CRAMP1: variants seen among roughly 807,000 people sequenced by gnomAD.
The protein encoded by CRAMP1 is cramped chromatin regulator 1.
In CRAMP1, 50 loss-of-function variants were observed where a neutral mutation model predicts 115.4. The observed-to-expected ratio is 0.43, with a 90% CI of 0.35 to 0.55. The LOEUF is 0.55. Among genes scored for constraint, CRAMP1 ranks in the 20% least tolerant of loss-of-function variants. The pLI, the probability that CRAMP1 is intolerant of heterozygous loss-of-function variation, is 0.01. For missense variants in CRAMP1, 1,679 were observed against 1,721.7 expected, an observed-to-expected ratio of 0.98 and a Z score of 0.44; for synonymous variants, 866 against 745.4, an observed-to-expected ratio of 1.16 and a Z score of -2.64.
chr16:1,624,417 CT>C (rs35272341), intron 2 of CRAMP1, among the ~76,000 whole-genome samples: 3,610 of 142,740 alleles, frequency 0.025, 129 homozygotes, highest in African/African-American at 0.079. Flanking sequence ...TTGGCTTTTG[CT>C]TTTTTTTTTT....
chr16:1,634,312 C>G (rs2036569642), intron 4 of CRAMP1, among the ~76,000 whole-genome samples: 1 of 152,236 alleles, frequency 6.6e-6, no homozygotes, highest in Non-Finnish European at 1.5e-5. Flanking sequence ...ACTTGCCAAC[C>G]CAGGCTCTCT....
In CRAMP1 at chr16:1,666,629, A is replaced by T. The variant is rs1290761660; in HGVS notation, c.3036+29A>T. The T allele has an allele frequency of 6.3e-7, 1 of 1,598,644 alleles. No homozygotes were observed. Among genetic ancestry groups the T allele is most frequent in the Non-Finnish European group, 8.6e-7 (1 of 1,167,014 alleles). ...AGTATGTTTAGAAGGGCTTTTCAGCATTACCACCAACTTCTGGTGTGGACG... is the reference window on the plus strand; with the variant it reads ...AGTATGTTTAGAAGGGCTTTTCAGCTTTACCACCAACTTCTGGTGTGGACG... On this transcript the variant is annotated intron_variant, in intron 16 of 20. Transcript: ENST00000397412. The surrounding 1 kb of genome is among the most constrained non-coding windows in gnomAD (Gnocchi z 5.0).
chr16:1,666,856 C>T lies in CRAMP1; in HGVS notation c.3036+256C>T, dbSNP rs2036880847. Among the ~76,000 whole-genome samples the T allele has an allele frequency of 6.6e-6, 1 of 152,232 alleles. No individual in the cohort carries two copies. Among genetic ancestry groups the T allele is most frequent in the African/African-American group, 2.4e-5 (1 of 41,472 alleles). ...CTAAGACGGTGTGGAAACATAGCTC[C>T]ATCTGAGAGTGACCATAACCAAGGT... On this transcript the variant is annotated intron_variant, in intron 16 of 20. Transcript: ENST00000397412. The surrounding 1 kb of genome is among the most constrained non-coding windows in gnomAD (Gnocchi z 5.0).
chr16:1,670,871 A>G, intron 20 of CRAMP1, 62 bp downstream of exon 20: 2 of 1,516,134 alleles, frequency 1.3e-6, no homozygotes, highest in South Asian at 2.3e-5. Flanking sequence ...GGTTGCCAGC[A>G]CTCTCCTGCA....
At chr16:1,653,550 C>G (rs2036742135) in intron 8 of CRAMP1, among the ~76,000 whole-genome samples, 1 of 152,194 alleles carries the variant, frequency 6.6e-6, no homozygotes, top group Non-Finnish European at 1.5e-5. Flanking sequence ...AATGAGGTGA[C>G]CGGGTGCAGA....
Position 1,670,362 on chromosome 16 carries a change from TG to T in CRAMP1, c.3500-297del, listed in dbSNP as rs1205318268. The T allele has an allele frequency of 1.2e-4, 19 of 164,938 alleles. 1 individual carries two copies. The highest frequency in any genetic ancestry group is 1.1e-3 in the South Asian group (18 of 16,560). 10.2% of individuals were successfully genotyped at this position (164,938 alleles called of 1,614,324 possible). A position where few individuals can be genotyped will look rare whatever the true frequency, so the allele number is the denominator to read the frequency against. On this transcript the variant is annotated intron_variant, in intron 19 of 20. Transcript: ENST00000397412. ...TGGCAGTGAGGGTGGGAGAGCATGA[TG>T]GGGGTGGGGGATGGCAGCGAGGGTG... is the stretch of plus-strand genomic sequence containing the variant.
rs1441332624 is a variant in CRAMP1 at position 1,614,935 on chromosome 16, C to T, written c.296C>T (p.Pro99Leu). The T allele has an allele frequency of 3.1e-6, 4 of 1,277,468 alleles. No individual in the cohort carries two copies. The highest frequency in any genetic ancestry group is 4.1e-5 in the Admixed American group (1 of 24,594). 79.1% of individuals were successfully genotyped at this position (1,277,468 alleles called of 1,614,324 possible). Reference sequence around the variant, plus strand: ...AGCAAGAGGCCCAGGAAGGATCCTCCGAGCGCTGTGGGGAGCGGCAACGCC... The same window carrying T: ...AGCAAGAGGCCCAGGAAGGATCCTCTGAGCGCTGTGGGGAGCGGCAACGCC... ...PQSKRPRKDP[P>L]SAVGSGNAGG... The change falls in exon 2 of 21, where the codon CCG (proline) becomes CTG (leucine). Residue 99 changes from proline to leucine, a missense_variant. Pro to Leu is a moderately conservative substitution (Grantham distance 98, BLOSUM62 -3). Transcript: ENST00000397412. This position sits in a 1 kb window ranked among gnomAD's most constrained non-coding sequence, Gnocchi z 4.4.
intron 6 of CRAMP1, among the ~76,000 whole-genome samples, chr16:1,647,372 T>G (rs1366699717): frequency 6.6e-6 from 1 of 152,192 alleles, no homozygotes; most frequent in Non-Finnish European, 1.5e-5. Context: ...AAAGCCAGGC[T>G]CCCATGTACA....
At chr16:1,616,548 T>C (rs1358528229) in intron 2 of CRAMP1, among the ~76,000 whole-genome samples, 1 of 152,120 alleles carries the variant, frequency 6.6e-6, no homozygotes, top group Non-Finnish European at 1.5e-5. Context: ...TGCTGAGACG[T>C]TAGTGATCAG....
rs2036972641 is a variant in CRAMP1 at position 1,676,837 on chromosome 16, G to A, written c.*2792G>A. The A allele has an allele frequency of 6.6e-6, 1 of 152,304 alleles. No individual in the cohort carries two copies. Among genetic ancestry groups the A allele is most frequent in the African/African-American group, 2.4e-5 (1 of 41,462 alleles). 9.4% of individuals were successfully genotyped at this position (152,304 alleles called of 1,614,324 possible). The stretch of plus-strand genomic sequence containing the variant: ...CTTCCTGGCTGTTTTGTCCTTCTGT[G>A]TCTTGTAGCTGTAGGGTGCCAGCTC... On this transcript the variant is annotated 3_prime_UTR_variant, in exon 21 of 21. Coordinates refer to ENST00000397412, the MANE Select transcript of CRAMP1 (RefSeq NM_020825.4).
intron 6 of CRAMP1, among the ~76,000 whole-genome samples, chr16:1,651,117 A>G (rs1448254341): frequency 6.6e-6 from 1 of 151,818 alleles, no homozygotes; most frequent in Non-Finnish European, 1.5e-5. Context: ...CAGAGGCCAC[A>G]GGTCATGGAA....
chr16:1,613,132 T>C (rs2036375317), intron 1 of CRAMP1, among the ~76,000 whole-genome samples: 2 of 151,994 alleles, frequency 1.3e-5, no homozygotes, highest in Non-Finnish European at 2.9e-5. Context: ...TTTGGGGGTT[T>C]AGGTTTCTTG....
intron 6 of CRAMP1, among the ~76,000 whole-genome samples, chr16:1,648,449 C>T (rs748414594): frequency 2.0e-5 from 3 of 151,704 alleles, no homozygotes; most frequent in Non-Finnish European, 4.4e-5. Flanking sequence ...ACTAAAAATA[C>T]AAAAAATTAG....
chr16:1,618,961 G>C (rs1406696464), intron 2 of CRAMP1, among the ~76,000 whole-genome samples: 1 of 152,160 alleles, frequency 6.6e-6, no homozygotes, highest in Non-Finnish European at 1.5e-5. Flanking sequence ...GTATACTTTT[G>C]GTATTAAAAC....
Position 1,669,249 on chromosome 16 carries a change from C to A in CRAMP1, c.3499+84C>A. The A allele has an allele frequency of 9.4e-7, 1 of 1,063,848 alleles. No homozygotes were observed. Among genetic ancestry groups the A allele is most frequent in the Non-Finnish European group, 1.3e-6 (1 of 754,098 alleles). 65.9% of individuals were successfully genotyped at this position (1,063,848 alleles called of 1,614,324 possible). On this transcript the variant is annotated intron_variant, in intron 19 of 20. Transcript: ENST00000397412. The surrounding 1 kb of genome is among the most constrained non-coding windows in gnomAD (Gnocchi z 4.6). The stretch of plus-strand genomic sequence containing the variant: ...CGGGACACTGGATTCTCATTCTACT[C>A]AAACTCCCACTAGGACTGTTGGCTT...
chr16:1,643,339 G>C (rs2036648078), intron 6 of CRAMP1, among the ~76,000 whole-genome samples: 1 of 152,098 alleles, frequency 6.6e-6, no homozygotes, highest in Non-Finnish European at 1.5e-5. Context: ...TCAAGAGTTC[G>C]AAACCAGCAT....
intron 2 of CRAMP1, chr16:1,625,641 T>G (rs1596483205): frequency 9.9e-6 from 2 of 202,476 alleles, no homozygotes; most frequent in East Asian, 2.4e-4. Flanking sequence ...GATGTGAGGC[T>G]TCATTTTGCA....
At chr16:1,667,530 TC>T (rs908984021) in intron 17 of CRAMP1, 130 bp downstream of exon 17, 5 of 735,766 alleles carry the variant, frequency 6.8e-6, no homozygotes, top group African/African-American at 5.2e-5. Flanking sequence ...TTGCTGTTCT[TC>T]CACCTGCTGT....
In CRAMP1 at chr16:1,659,927, C is replaced by T. The variant is rs373569007; in HGVS notation, c.2277C>T (p.Pro759=). ...CCATCTCTACAGCCTCAGTAAGGCC[C>T]GCCCAGGAGGAGCAGTCGATGACGC... is the stretch of plus-strand genomic sequence containing the variant. ...ANTISTASVR[P]AQEEQSMTPP... Residue 759 remains proline (P), a synonymous_variant, in exon 11 of 21, where the codon CCC becomes CCT. Coordinates refer to ENST00000397412, the MANE Select transcript of CRAMP1 (RefSeq NM_020825.4). The T allele has an allele frequency of 2.9e-4, 464 of 1,612,756 alleles. No individual in the cohort carries two copies. Among genetic ancestry groups the T allele is most frequent in the Non-Finnish European group, 3.5e-4 (412 of 1,179,824 alleles).
Sources: allele counts gnomAD v4.1 joint callset (sites outside exome capture counted in the v4.1 genomes callset), GRCh38; gene constraint gnomAD v4.1.1; non-coding constraint Gnocchi (gnomAD v3.1); transcripts MANE v1.5; gene names NCBI Gene and HGNC (gene_info 2026-07-23, HGNC 2026-07-21).